The following RADIL variants were observed in gnomAD, a reference collection of about 807,000 sequenced individuals.
RADIL encodes Rap associating with DIL domain, also known as ras-associating and dilute domain-containing protein.
Under a neutral mutation model 97.6 loss-of-function variants are expected in RADIL, and 99 were observed. That is an observed-to-expected ratio of 1.01 (90% CI 0.86 to 1.20). The LOEUF is 1.20. RADIL is among the 50% of genes most tolerant of loss of function. The pLI is 0.00. For synonymous variants in RADIL, 803 were observed against 691.8 expected, an observed-to-expected ratio of 1.16 and a Z score of -2.52; for missense variants, 1,765 against 1,498.9, an observed-to-expected ratio of 1.18 and a Z score of -2.93.
In RADIL at chr7:4,815,271, C is replaced by T; in HGVS notation, c.2139+7G>A. The T allele has an allele frequency of 6.5e-7, 1 of 1,550,134 alleles. No homozygotes were observed. Among genetic ancestry groups the T allele is most frequent in the Non-Finnish European group, 8.7e-7 (1 of 1,146,940 alleles). ...CCACACTCGCCGCCTCCCATGCGCACCCCTACCTGGATGAGCTGGGCCCTG... is the reference window on the plus strand; with the variant it reads ...CCACACTCGCCGCCTCCCATGCGCATCCCTACCTGGATGAGCTGGGCCCTG... On this transcript the variant is annotated splice_region_variant and intron_variant, in intron 9 of 14. Coordinates refer to ENST00000399583, the MANE Select transcript of RADIL (RefSeq NM_018059.5). This position sits in a 1 kb window ranked among gnomAD's most constrained non-coding sequence, Gnocchi z 8.0.
chr7:4,802,667 GGCCCCCTCCCCGGGT>G (rs1782142001), intron 11 of RADIL, among the ~76,000 whole-genome samples: 5 of 113,302 alleles, frequency 4.4e-5, no homozygotes, highest in African/African-American at 1.3e-4. Context: ...CTGGCTGGGG[GGCCCCCTCCCCGGGT>G]ACCTCGGGGC....
chr7:4,815,341 G>A lies in RADIL; in HGVS notation c.2076C>T (p.His692=). 1 of 1,557,418 alleles carries A rather than the reference G, an allele frequency of 6.4e-7. No individual in the cohort carries two copies. The highest frequency in any genetic ancestry group is 8.7e-7 in the Non-Finnish European group (1 of 1,151,838). ...GGGTGCAGGAGAGCTTCTGGAAGAA[G>A]TGCTCTCCAGCCGCCCCGAAGCCGG... ...RSAGFGAAGE[H]FFQKLSCTLN... The change falls in exon 9 of 15, where the codon CAC becomes CAT. Residue 692 remains histidine (H), a synonymous_variant. Transcript: ENST00000399583. This position sits in a 1 kb window ranked among gnomAD's most constrained non-coding sequence, Gnocchi z 8.0.
Position 4,834,581 on chromosome 7 carries a change from C to T in RADIL, c.1416+26G>A, listed in dbSNP as rs1178001086. ...TCTTCCCCCAGACCGGCACAGGACC[C>T]AGACCGCCCACCCCAGCACACTGAC... On this transcript the variant is annotated intron_variant, in intron 4 of 14. Coordinates refer to ENST00000399583, the MANE Select transcript of RADIL (RefSeq NM_018059.5). This position sits in a 1 kb window ranked among gnomAD's most constrained non-coding sequence, Gnocchi z 6.0. 20 of 1,314,934 alleles carry T rather than the reference C, an allele frequency of 1.5e-5. No homozygotes were observed. Among genetic ancestry groups the T allele is most frequent in the Non-Finnish European group, 1.9e-5 (20 of 1,026,704 alleles). The allele number at this position is 1,314,934 out of a possible 1,614,324, so 81.5% of individuals were successfully genotyped here.
chr7:4,861,660 C>T (rs374695759), intron 2 of RADIL: 4 of 1,604,714 alleles, frequency 2.5e-6, no homozygotes, highest in African/African-American at 2.7e-5. Flanking sequence ...TCGAAGACCC[C>T]GAAGGGCCTG....
chr7:4,816,545 T>G, intron 7 of RADIL, 80 bp from the exon 8 acceptor site: 1 of 1,199,566 alleles, frequency 8.3e-7, no homozygotes, highest in Non-Finnish European at 1.2e-6. Flanking sequence ...CCCAGCGAGC[T>G]CCCCACCCAC....
intron 6 of RADIL, among the ~76,000 whole-genome samples, chr7:4,820,915 C>G (rs1386545947): frequency 6.6e-6 from 1 of 152,232 alleles, no homozygotes; most frequent in Non-Finnish European, 1.5e-5. Context: ...AGGAAACCTG[C>G]CCCTAAGGCA....
intron 2 of RADIL, chr7:4,859,207 AAT>A (rs1419667856): frequency 2.6e-5 from 4 of 152,674 alleles, no homozygotes; most frequent in African/African-American, 7.2e-5. Context: ...TTTTAAGATT[AAT>A]AGTGAAGAAA....
At chr7:4,862,085 G>A (rs945645372) in intron 2 of RADIL, 2 of 364,826 alleles carry the variant, frequency 5.5e-6, no homozygotes, top group African/African-American at 2.1e-5. Flanking sequence ...GCTCACGGGA[G>A]CCACAGCGTT....
intron 2 of RADIL, among the ~76,000 whole-genome samples, chr7:4,846,095 G>A (rs149408173): frequency 5.9e-4 from 88 of 148,210 alleles, no homozygotes; most frequent in Non-Finnish European, 4.2e-4. Context: ...CTGCTTATTT[G>A]TCTCTTTTGT....
chr7:4,871,623 G>A (rs1474375696), intron 2 of RADIL, among the ~76,000 whole-genome samples: 1 of 152,194 alleles, frequency 6.6e-6, no homozygotes, highest in African/African-American at 2.4e-5. Context: ...AGGTTCCTCT[G>A]TCGCTCAAGC....
intron 2 of RADIL, chr7:4,865,759 T>A (rs1273338294): frequency 1.1e-5 from 11 of 1,022,606 alleles, no homozygotes; most frequent in Non-Finnish European, 1.7e-5. Context: ...AACCTGCTTA[T>A]TTTTTTTGCC....
In RADIL at chr7:4,827,527, T is replaced by G. The variant is rs1246222179; in HGVS notation, c.1454+4614A>C. Among the ~76,000 whole-genome samples the G allele has an allele frequency of 4.6e-3, 624 of 136,462 alleles. 2 individuals carry two copies. Among genetic ancestry groups the G allele is most frequent in the Admixed American group, 6.7e-3 (92 of 13,804 alleles). 89.5% of individuals were successfully genotyped at this position (136,462 alleles called of 152,430 possible). On this transcript the variant is annotated intron_variant, in intron 5 of 14. Transcript: ENST00000399583. ...ATACAAAAAATTAGCCGGGCGTGGTTGCAGGCGCCTGTAGTCCCAGCTACT... is the reference window on the plus strand; with the variant it reads ...ATACAAAAAATTAGCCGGGCGTGGTGGCAGGCGCCTGTAGTCCCAGCTACT...
At chr7:4,812,166 C>T (rs1248429318) in intron 9 of RADIL, among the ~76,000 whole-genome samples, 1 of 152,220 alleles carries the variant, frequency 6.6e-6, no homozygotes, top group Non-Finnish European at 1.5e-5. Context: ...CAGGTGGGCG[C>T]TACCACACCT....
In RADIL at chr7:4,816,360, C is replaced by A. The variant is rs766848526; in HGVS notation, c.1834G>T (p.Val612Leu). The change falls in exon 8 of 15, where the codon GTG becomes TTG. Residue 612 changes from valine (V) to leucine (L), a missense_variant. Val to Leu is a conservative substitution (Grantham distance 32, BLOSUM62 1). Coordinates refer to ENST00000399583, the MANE Select transcript of RADIL (RefSeq NM_018059.5). ...AGGGCTGCCTGGTACACAGACACCA[C>A]GCGGCGCAGCTCCTCGGGCAGTTCG... ...APELPEELRR[V>L]VSVYQAALDL... 1 of 1,611,380 alleles carries A rather than the reference C, an allele frequency of 6.2e-7. No homozygotes were observed. The highest frequency in any genetic ancestry group is 1.7e-5 in the Admixed American group (1 of 59,786).
At chr7:4,808,531 A>G in intron 9 of RADIL, 1 of 966,588 alleles carries the variant, frequency 1.0e-6, no homozygotes. Context: ...GGGTTTGAGA[A>G]AAACAAAACA....
intron 5 of RADIL, among the ~76,000 whole-genome samples, chr7:4,826,336 G>T (rs1430864798): frequency 6.6e-6 from 1 of 152,088 alleles, no homozygotes; most frequent in East Asian, 1.9e-4. Context: ...TGAGGATGGG[G>T]GTCGAAGCAT....
chr7:4,851,039 T>G (rs1783695915), intron 2 of RADIL, among the ~76,000 whole-genome samples: 1 of 151,684 alleles, frequency 6.6e-6, no homozygotes, highest in Admixed American at 6.6e-5. Context: ...CCATCTCTAC[T>G]AAAAATGCAA....
At position 4,813,059 on chromosome 7, in the gene RADIL, C is replaced by T. The variant is rs2115183249; in HGVS notation, c.2139+2219G>A. On this transcript the variant is annotated intron_variant, in intron 9 of 14. Coordinates refer to ENST00000399583, the MANE Select transcript of RADIL (RefSeq NM_018059.5). This position sits in a 1 kb window ranked among gnomAD's most constrained non-coding sequence, Gnocchi z 5.0. ...TCAGACAGCCTCTGCTTCATCCTTA[C>T]CCCAAGGTTCTTCTTTCTCTCTCTC... Among the ~76,000 whole-genome samples the T allele has an allele frequency of 6.7e-6, 1 of 150,296 alleles. No individual in the cohort carries two copies. The highest frequency in any genetic ancestry group is 1.5e-5 in the Non-Finnish European group (1 of 67,588).
At chr7:4,811,352 C>A (rs774250737) in intron 9 of RADIL, 1 of 152,256 alleles carries the variant, frequency 6.6e-6, no homozygotes, top group Non-Finnish European at 1.5e-5. Context: ...ATCTTTCATG[C>A]GTAATTCTCT....
Sources: gnomAD v4.1 joint callset for allele counts (sites outside exome capture counted in the v4.1 genomes callset) on GRCh38, gnomAD v4.1.1 for gene constraint, Gnocchi (gnomAD v3.1) non-coding constraint, MANE v1.5 for transcripts, NCBI Gene and HGNC (gene_info 2026-07-23, HGNC 2026-07-21) for gene names.